SCAPER: variants seen among roughly 807,000 people sequenced by gnomAD.
The protein encoded by SCAPER is S phase cyclin A-associated protein in the endoplasmic reticulum.
A neutral mutation model predicts 182.2 loss-of-function variants in SCAPER; 98 were observed. The ratio of observed to expected loss-of-function variants is 0.54; its 90% CI spans 0.46 to 0.64. The LOEUF is 0.64. Among genes scored for constraint, SCAPER ranks in the 30% least tolerant of loss-of-function variants. The pLI is 0.00. For synonymous variants in SCAPER, 605 were observed against 564.6 expected (o/e 1.07, Z -1.01); for missense variants, 1,432 against 1,690.0 (o/e 0.85, Z 2.68).
intron 22 of SCAPER, among the ~76,000 whole-genome samples, chr15:76,610,060 T>C (rs1156989911): frequency 6.6e-6 from 1 of 152,132 alleles, no homozygotes; most frequent in Non-Finnish European, 1.5e-5. Flanking sequence ...ACAAAATAAT[T>C]ACTTTTCCCC....
At chr15:76,874,686 G>A (rs752159155) in intron 2 of SCAPER, among the ~76,000 whole-genome samples, 3 of 152,206 alleles carry the variant, frequency 2.0e-5, no homozygotes, top group South Asian at 2.1e-4. Flanking sequence ...GTCAGTCACC[G>A]TGGCTCACAC....
At chr15:76,414,041 A>G (rs574025776) in intron 26 of SCAPER, among the ~76,000 whole-genome samples, 26 of 152,134 alleles carry the variant, frequency 1.7e-4, no homozygotes, top group Non-Finnish European at 3.4e-4. Flanking sequence ...AATAAATCTC[A>G]TATCGTCATG....
In SCAPER at chr15:76,354,407, G is replaced by A. The variant is rs1013690550; in HGVS notation, c.3856-267C>T. 6 of 350,178 alleles carry A rather than the reference G, an allele frequency of 1.7e-5. No homozygotes were observed. The highest frequency in any genetic ancestry group is 1.2e-4 in the East Asian group (2 of 16,128). The allele number at this position is 350,178 out of a possible 1,614,324, so 21.7% of individuals were successfully genotyped here. A position where few individuals can be genotyped will look rare whatever the true frequency, so the allele number is the denominator to read the frequency against. On this transcript the variant is annotated intron_variant, in intron 29 of 31. Coordinates refer to ENST00000563290, the MANE Select transcript of SCAPER (RefSeq NM_020843.4). The surrounding 1 kb of genome is among the most constrained non-coding windows in gnomAD (Gnocchi z 4.4). ...CCACGATTAAAGGTGTAGCTGCCAC[G>A]GAGTAAGGACGCCTATGAAATGGAT...
intron 5 of SCAPER, among the ~76,000 whole-genome samples, chr15:76,834,212 T>A (rs950234649): frequency 1.3e-5 from 2 of 152,062 alleles, no homozygotes; most frequent in Admixed American, 6.6e-5. Context: ...AAACATACAA[T>A]TACATGGAAA....
intron 27 of SCAPER, among the ~76,000 whole-genome samples, chr15:76,386,350 C>T (rs1267988876): frequency 1.3e-5 from 2 of 152,176 alleles, no homozygotes; most frequent in Non-Finnish European, 2.9e-5. Flanking sequence ...AGAACCTAGT[C>T]ATTCATGATT....
At chr15:76,796,597 C>A (rs901799764) in intron 7 of SCAPER, among the ~76,000 whole-genome samples, 5 of 152,122 alleles carry the variant, frequency 3.3e-5, no homozygotes, top group Admixed American at 2.6e-4. Flanking sequence ...GTGTGTTCTA[C>A]GATGATAATG....
intron 23 of SCAPER, among the ~76,000 whole-genome samples, chr15:76,545,409 G>A (rs1308845442): frequency 6.6e-6 from 1 of 152,098 alleles, no homozygotes; most frequent in Non-Finnish European, 1.5e-5. Context: ...CCACAATATT[G>A]CTACTGGGCT....
chr15:76,876,844 G>C (rs2073198585), intron 2 of SCAPER, among the ~76,000 whole-genome samples: 1 of 152,242 alleles, frequency 6.6e-6, no homozygotes, highest in African/African-American at 2.4e-5. Flanking sequence ...TGTGTAATAA[G>C]GTGAGAAAAA....
chr15:76,705,197 C>T (rs912486560), intron 18 of SCAPER, among the ~76,000 whole-genome samples: 1 of 150,856 alleles, frequency 6.6e-6, no homozygotes, highest in Non-Finnish European at 1.5e-5. Context: ...ACATATATAC[C>T]ATGGAATGCT....
At chr15:76,674,022 A>G (rs1324798640) in intron 20 of SCAPER, among the ~76,000 whole-genome samples, 1 of 151,928 alleles carries the variant, frequency 6.6e-6, no homozygotes, top group Non-Finnish European at 1.5e-5. Context: ...GATAATAGGA[A>G]ACCAGTTCAT....
chr15:76,578,565 T>C (rs2048029124), intron 22 of SCAPER, among the ~76,000 whole-genome samples: 1 of 152,208 alleles, frequency 6.6e-6, no homozygotes, highest in African/African-American at 2.4e-5. Flanking sequence ...AATTTCTGCC[T>C]GGTTGTCCAG....
chr15:76,795,418 C>G lies in SCAPER; in HGVS notation c.634G>C (p.Ala212Pro). ...ACACCTGTGGGAGCCAGACGAGGAG[C>G]TGGCACTGTGCCAGTTGAACCTCTA... ...NFGGSTGTVP[A>P]PRLAPTGVSW... Residue 212 changes from alanine to proline, a missense_variant, in exon 8 of 32, where the codon GCT (alanine) becomes CCT (proline). Physicochemically the swap from Ala to Pro is conservative, Grantham distance 27 (BLOSUM62 -1). Around this residue, in one of 5 missense-constraint regions of SCAPER, gnomAD observed 480 missense variants for 510.2 expected, o/e 0.94. Transcript: ENST00000563290. 2 of 1,603,764 alleles carry G rather than the reference C, an allele frequency of 1.2e-6. No homozygotes were observed. The highest frequency in any genetic ancestry group is 1.7e-4 in the Middle Eastern group (1 of 5,954).
chr15:76,559,025 T>C (rs1344482178), intron 23 of SCAPER, among the ~76,000 whole-genome samples: 1 of 151,738 alleles, frequency 6.6e-6, no homozygotes, highest in African/African-American at 2.4e-5. Flanking sequence ...AGTGAGTGAG[T>C]TCTCATGAGA....
intron 10 of SCAPER, among the ~76,000 whole-genome samples, chr15:76,768,056 A>G (rs967357526): frequency 7.9e-5 from 12 of 152,170 alleles, no homozygotes; most frequent in African/African-American, 1.7e-4. Flanking sequence ...ACTTCAAAAT[A>G]TATAAGGCAA....
At chr15:76,553,018 A>C (rs1338939787) in intron 23 of SCAPER, among the ~76,000 whole-genome samples, 1 of 152,124 alleles carries the variant, frequency 6.6e-6, no homozygotes, top group Admixed American at 6.5e-5. Flanking sequence ...ATAGGTCCCC[A>C]GTCCACTGAC....
chr15:76,845,267 C>T (rs1306700305), intron 4 of SCAPER, among the ~76,000 whole-genome samples: 2 of 152,078 alleles, frequency 1.3e-5, no homozygotes, highest in Non-Finnish European at 2.9e-5. Context: ...TAGTATCATA[C>T]TGAATGTGGA....
chr15:76,552,053 A>C (rs1357741702), intron 23 of SCAPER, among the ~76,000 whole-genome samples: 2 of 151,984 alleles, frequency 1.3e-5, no homozygotes, highest in African/African-American at 2.4e-5. Flanking sequence ...TGGGAGGCTG[A>C]GGTAAGAAAA....
intron 20 of SCAPER, among the ~76,000 whole-genome samples, chr15:76,699,262 C>T (rs891061252): frequency 6.6e-6 from 1 of 152,120 alleles, no homozygotes; most frequent in Non-Finnish European, 1.5e-5. Flanking sequence ...GATTCTTTCT[C>T]TTGCCTGACT....
intron 2 of SCAPER, among the ~76,000 whole-genome samples, chr15:76,875,678 T>G (rs1341599398): frequency 1.3e-5 from 2 of 152,148 alleles, no homozygotes; most frequent in Non-Finnish European, 2.9e-5. Flanking sequence ...TTACAGTTCT[T>G]AAAGACAGCG....
Sources: gnomAD v4.1 joint callset for allele counts (sites outside exome capture counted in the v4.1 genomes callset) on GRCh38, gnomAD v4.1.1 for gene constraint, gnomAD v4.1.1 regional missense constraint, Gnocchi (gnomAD v3.1) non-coding constraint, MANE v1.5 for transcripts, NCBI Gene and HGNC (gene_info 2026-07-23, HGNC 2026-07-21) for gene names.